DOCK1: variants seen among roughly 807,000 people sequenced by gnomAD.
The protein encoded by DOCK1 is dedicator of cytokinesis 1.
Under a neutral mutation model 262.7 loss-of-function variants are expected in DOCK1, and 138 were observed. The observed-to-expected ratio is 0.53, with a 90% CI of 0.46 to 0.61. The LOEUF is 0.61. DOCK1 is among the 20% of genes least tolerant of loss of function. The probability of loss-of-function intolerance (pLI) is 0.00; values close to 1 mark genes in which losing one functional copy is unlikely to be tolerated. For synonymous variants in DOCK1, 866 were observed against 867.4 expected (o/e 1.00, Z 0.03); for missense variants, 1,908 against 2,370.7 (o/e 0.80, Z 4.05).
At chr10:127,020,975 T>C (rs1235203573) in intron 13 of DOCK1, among the ~76,000 whole-genome samples, 3 of 152,206 alleles carry the variant, frequency 2.0e-5, no homozygotes, top group Admixed American at 2.0e-4. Context: ...AGGCAGGCGA[T>C]GCCAAGTTTT....
At chr10:127,320,570 G>C (rs1185494069) in intron 29 of DOCK1, among the ~76,000 whole-genome samples, 4 of 152,190 alleles carry the variant, frequency 2.6e-5, no homozygotes, top group African/African-American at 9.6e-5. Context: ...TGAGGAATGG[G>C]CTCAAGGCGG....
chr10:127,450,709 C>CT (rs576335425), intron 51 of DOCK1, among the ~76,000 whole-genome samples: 26 of 152,240 alleles, frequency 1.7e-4, no homozygotes, highest in East Asian at 9.7e-4. Flanking sequence ...AATTAATGTT[C>CT]TTTTTTGGAA....
chr10:126,975,952 T>G (rs1276104512), intron 2 of DOCK1, among the ~76,000 whole-genome samples: 1 of 152,198 alleles, frequency 6.6e-6, no homozygotes, highest in Non-Finnish European at 1.5e-5. Flanking sequence ...GCTGTCTTTT[T>G]GTGTCTCTGT....
intron 23 of DOCK1, 102 bp downstream of exon 23, chr10:127,061,878 A>G (rs1041220489): frequency 1.3e-6 from 1 of 776,060 alleles, no homozygotes. Flanking sequence ...ACTTGCCCCA[A>G]ATACCATAGT....
intron 29 of DOCK1, among the ~76,000 whole-genome samples, chr10:127,272,555 A>G (rs1201102381): frequency 6.6e-6 from 1 of 152,184 alleles, no homozygotes; most frequent in Non-Finnish European, 1.5e-5. Context: ...TCAACATGCA[A>G]TCTATTTTTT....
At position 127,176,490 on chromosome 10, in the gene DOCK1, T is replaced by G; in HGVS notation, c.2847+48726T>G. 1 of 1,056,512 alleles carries G rather than the reference T, an allele frequency of 9.5e-7. No homozygotes were observed. The highest frequency in any genetic ancestry group is 1.4e-6 in the Non-Finnish European group (1 of 731,532). The allele number at this position is 1,056,512 out of a possible 1,614,324, so 65.4% of individuals were successfully genotyped here. A position where few individuals can be genotyped will look rare whatever the true frequency, so the allele number is the denominator to read the frequency against. ...ACAAACTTTTAGCCACCACGACGACTGCCTGTTTCCTAATTATATTTAAGC... is the reference window on the plus strand; with the variant it reads ...ACAAACTTTTAGCCACCACGACGACGGCCTGTTTCCTAATTATATTTAAGC... On this transcript the variant is annotated intron_variant, in intron 27 of 51. Transcript: ENST00000623213. This position sits in a 1 kb window ranked among gnomAD's most constrained non-coding sequence, Gnocchi z 4.4.
At chr10:127,264,116 TTGACTACATAGCGTGTA>T (rs2060273086) in intron 29 of DOCK1, among the ~76,000 whole-genome samples, 1 of 152,220 alleles carries the variant, frequency 6.6e-6, no homozygotes, top group Non-Finnish European at 1.5e-5. Flanking sequence ...CTTGTTCGTA[TTGACTACATAGCGTGTA>T]ACAAAACCTT....
intron 33 of DOCK1, 117 bp from the exon 34 acceptor site, chr10:127,373,664 G>T: frequency 6.6e-6 from 6 of 915,448 alleles, no homozygotes; most frequent in Non-Finnish European, 1.0e-5. Flanking sequence ...GGCTTCAAAG[G>T]CAGAGGGTAG....
intron 27 of DOCK1, among the ~76,000 whole-genome samples, chr10:127,235,250 C>A (rs1005618103): frequency 6.6e-6 from 1 of 151,908 alleles, no homozygotes; most frequent in African/African-American, 2.4e-5. Context: ...AGTTGTGTAG[C>A]CACTACCAAA....
intron 27 of DOCK1, among the ~76,000 whole-genome samples, chr10:127,240,284 T>TA (rs35397156): frequency 2.0e-5 from 3 of 150,922 alleles, no homozygotes; most frequent in East Asian, 1.9e-4. Context: ...TTTTTTTTTT[T>TA]AACAAACATT....
chr10:127,440,159 G>A (rs1287911653), intron 49 of DOCK1, among the ~76,000 whole-genome samples: 1 of 116,550 alleles, frequency 8.6e-6, no homozygotes, highest in African/African-American at 3.3e-5. Flanking sequence ...AGAGAGTATG[G>A]GTGGGGGGTG....
At chr10:127,294,404 C>G (rs1168443831) in intron 29 of DOCK1, among the ~76,000 whole-genome samples, 2 of 152,176 alleles carry the variant, frequency 1.3e-5, no homozygotes, top group Non-Finnish European at 1.5e-5. Context: ...TCACTGCAAC[C>G]TCCGCCTCCC....
intron 29 of DOCK1, among the ~76,000 whole-genome samples, chr10:127,310,511 G>A (rs2766036): frequency 0.14 from 20,958 of 152,126 alleles, 2,167 homozygotes; most frequent in African/African-American, 0.29. Context: ...GTGATAACCC[G>A]TTTGTATTAC....
intron 1 of DOCK1, among the ~76,000 whole-genome samples, chr10:126,946,224 G>A (rs1371398610): frequency 3.3e-5 from 5 of 151,908 alleles, no homozygotes; most frequent in South Asian, 2.1e-4. Context: ...GACTTTCACC[G>A]TCCCAGACAG....
chr10:127,391,279 C>A (rs1296310539), intron 38 of DOCK1, among the ~76,000 whole-genome samples: 2 of 152,100 alleles, frequency 1.3e-5, no homozygotes, highest in African/African-American at 4.8e-5. Flanking sequence ...AAGACTACGG[C>A]AGTTACCAGC....
intron 27 of DOCK1, among the ~76,000 whole-genome samples, chr10:127,159,431 A>C (rs934163880): frequency 6.6e-6 from 1 of 152,170 alleles, no homozygotes; most frequent in Admixed American, 6.5e-5. Flanking sequence ...TACTATCAGC[A>C]ATTCCTGAAT....
At position 127,012,121 on chromosome 10, in the gene DOCK1, C is replaced by T; in HGVS notation, c.1059-111C>T. 2 of 648,122 alleles carry T rather than the reference C, an allele frequency of 3.1e-6. No homozygotes were observed. Among genetic ancestry groups the T allele is most frequent in the Admixed American group, 5.0e-5 (2 of 40,154 alleles). 40.1% of individuals were successfully genotyped at this position (648,122 alleles called of 1,614,324 possible). A position where few individuals can be genotyped will look rare whatever the true frequency, so the allele number is the denominator to read the frequency against. ...CTTTGTCGTGCGTTGACTCATGATG[C>T]CTCCCTCTCGCACTCGGTGACGATG... On this transcript the variant is annotated intron_variant, in intron 11 of 51. Coordinates refer to ENST00000623213, the MANE Select transcript of DOCK1 (RefSeq NM_001290223.2). This position sits in a 1 kb window ranked among gnomAD's most constrained non-coding sequence, Gnocchi z 4.0.
At position 127,374,108 on chromosome 10, in the gene DOCK1, C is replaced by G; in HGVS notation, c.3569C>G (p.Thr1190Ser). 1 of 1,613,534 alleles carries G rather than the reference C, an allele frequency of 6.2e-7. No individual in the cohort carries two copies. Among genetic ancestry groups the G allele is most frequent in the Non-Finnish European group, 8.5e-7 (1 of 1,179,688 alleles). ...AAATACCTCGCCAAAACAGGAGAAACTTTTGTAAAACTCGTTGTGCGCTTA... is the reference window on the plus strand; with the variant it reads ...AAATACCTCGCCAAAACAGGAGAAAGTTTTGTAAAACTCGTTGTGCGCTTA... ...KHKYLAKTGE[T>S]FVKLVVRLME... The change falls in exon 35 of 52, where the codon ACT becomes AGT. Residue 1190 changes from threonine to serine, a missense_variant. By Grantham distance (58) the Thr-to-Ser change is moderately conservative. Around this residue, in one of 9 missense-constraint regions of DOCK1, gnomAD observed 518 missense variants for 575.1 expected, o/e 0.90. Coordinates refer to ENST00000623213, the MANE Select transcript of DOCK1 (RefSeq NM_001290223.2).
rs555035702 is a variant in DOCK1, at chr10:127,369,577, T to A, written c.3433-4204T>A. Among the ~76,000 whole-genome samples, 7 of 152,344 alleles carry A rather than the reference T, an allele frequency of 4.6e-5. No homozygotes were observed. In the South Asian group the frequency reaches 1.4e-3, roughly 32 times the overall value. ...GCAGCCCTAAAGTCACTCTTTAATCTGTGTCATGTAGACATAAGGAGCCGC... is the reference window on the plus strand; with the variant it reads ...GCAGCCCTAAAGTCACTCTTTAATCAGTGTCATGTAGACATAAGGAGCCGC... On this transcript the variant is annotated intron_variant, in intron 33 of 51. Coordinates refer to ENST00000623213, the MANE Select transcript of DOCK1 (RefSeq NM_001290223.2).
Sources: allele counts gnomAD v4.1 joint callset (sites outside exome capture counted in the v4.1 genomes callset), GRCh38; gene constraint gnomAD v4.1.1; regional missense constraint gnomAD v4.1.1; non-coding constraint Gnocchi (gnomAD v3.1); transcripts MANE v1.5; gene names NCBI Gene and HGNC (gene_info 2026-07-23, HGNC 2026-07-21).